Variants in DIP2B observed in about 807,000 individuals in gnomAD.
The protein encoded by DIP2B is DIP2 acetate--CoA ligase B (putative).
DIP2B carries 76 observed loss-of-function variants against 198.0 expected under a neutral mutation model. The ratio of observed to expected loss-of-function variants is 0.38; its 90% CI spans 0.32 to 0.46. The LOEUF (loss-of-function observed/expected upper bound fraction) is 0.46, where lower values mean the gene tolerates loss of function less well. DIP2B is among the 20% of genes least tolerant of loss of function. The probability of loss-of-function intolerance (pLI) is 0.99; values close to 1 mark genes in which losing one functional copy is unlikely to be tolerated. For missense variants in DIP2B, 1,559 were observed against 1,978.4 expected, an observed-to-expected ratio of 0.79 and a Z score of 4.02; for synonymous variants, 701 against 739.1, an observed-to-expected ratio of 0.95 and a Z score of 0.84.
intron 28 of DIP2B, among the ~76,000 whole-genome samples, chr12:50,727,500 T>G (rs771150585): frequency 6.6e-6 from 1 of 152,260 alleles, no homozygotes; most frequent in Non-Finnish European, 1.5e-5. Context: ...GATGTAGATT[T>G]GCTTGCCTGT....
At chr12:50,521,094 GTTTTTTTTTTTTTTT>G (rs386376482) in intron 1 of DIP2B, among the ~76,000 whole-genome samples, 1 of 94,332 alleles carries the variant, frequency 1.1e-5, no homozygotes, top group Non-Finnish European at 2.0e-5. Context: ...TTCAGCAACA[GTTTTTTTTTTTTTTT>G]TTTTTTTTTT....
intron 1 of DIP2B, among the ~76,000 whole-genome samples, chr12:50,523,944 T>C (rs1453198299): frequency 6.6e-6 from 1 of 152,200 alleles, no homozygotes; most frequent in East Asian, 1.9e-4. Flanking sequence ...AGCCTCTTCC[T>C]GCAATGTCTT....
chr12:50,698,517 A>G, intron 18 of DIP2B, 50 bp downstream of exon 18: 2 of 1,585,982 alleles, frequency 1.3e-6, no homozygotes, highest in African/African-American at 1.3e-5. Flanking sequence ...TTGTCATCAG[A>G]GATAATAGAG....
chr12:50,624,722 A>T (rs1029659099), intron 1 of DIP2B, among the ~76,000 whole-genome samples: 1 of 152,206 alleles, frequency 6.6e-6, no homozygotes, highest in Non-Finnish European at 1.5e-5. Flanking sequence ...AATTCAAGCT[A>T]CTACTTACTC....
intron 1 of DIP2B, among the ~76,000 whole-genome samples, chr12:50,571,361 G>A (rs1041601030): frequency 2.6e-5 from 4 of 151,794 alleles, no homozygotes; most frequent in African/African-American, 9.7e-5. Context: ...TAGTAGAGAT[G>A]GGGTTATGCC....
chr12:50,680,259 T>TAAA (rs11394582), intron 8 of DIP2B: 1,320 of 106,144 alleles, frequency 0.012, 38 homozygotes, highest in African/African-American at 0.036. Flanking sequence ...GACTCTGTCT[T>TAAA]AAAAAAAAAA....
At chr12:50,731,016 A>T (rs1940032731) in intron 30 of DIP2B, among the ~76,000 whole-genome samples, 1 of 152,244 alleles carries the variant, frequency 6.6e-6, no homozygotes, top group Non-Finnish European at 1.5e-5. Flanking sequence ...CAGTCCACAC[A>T]TAAGGTTTCT....
intron 1 of DIP2B, among the ~76,000 whole-genome samples, chr12:50,610,821 G>C (rs966361707): frequency 1.1e-5 from 1 of 90,684 alleles, no homozygotes; most frequent in Non-Finnish European, 2.4e-5. Context: ...TTTTTTTTTT[G>C]AGATGGAGGC....
rs200312180 is a variant in DIP2B at position 50,731,417 on chromosome 12, G to C, written c.3690G>C (p.Glu1230Asp). The C allele has an allele frequency of 2.5e-6, 4 of 1,614,036 alleles. No homozygotes were observed. The African/African-American group carries it at 5.3e-5, about 22-fold the overall frequency. Residue 1230 changes from glutamate (E) to aspartate (D), a missense_variant, in exon 31 of 38, where the codon GAG becomes GAC. Transcript: ENST00000301180. ...QSVLIPPMELENNLFLWLSTV... is the reference protein window; with the variant it reads ...QSVLIPPMELDNNLFLWLSTV... ...TCTTAATTCCTCCTATGGAGTTAGA[G>C]AACAACCTTTTCCTCTGGCTCTCCA...
chr12:50,733,730 T>C (rs1055323595), intron 32 of DIP2B, among the ~76,000 whole-genome samples: 8 of 152,198 alleles, frequency 5.3e-5, no homozygotes, highest in Non-Finnish European at 1.2e-4. Flanking sequence ...AAGGCAAATA[T>C]AGGCATGGAC....
chr12:50,589,406 A>T (rs1958800011), intron 1 of DIP2B, among the ~76,000 whole-genome samples: 1 of 151,730 alleles, frequency 6.6e-6, no homozygotes, highest in Non-Finnish European at 1.5e-5. Flanking sequence ...CATGTTGGCC[A>T]GGCTGGTCTC....
chr12:50,747,490 A>C lies in DIP2B; in HGVS notation c.*2651A>C, dbSNP rs1034365024. 6.6e-6 allele frequency: 1 copy of C among 152,242 alleles called. No individual in the cohort carries two copies. The highest frequency in any genetic ancestry group is 1.5e-5 in the Non-Finnish European group (1 of 68,052). 9.4% of individuals were successfully genotyped at this position (152,242 alleles called of 1,614,324 possible). On this transcript the variant is annotated 3_prime_UTR_variant, in exon 38 of 38. Transcript: ENST00000301180. ...GTAAAGCATCCTGTGGAGGGAGAGG[A>C]GAGCCCAGTCATTTGCTTAGATGGT...
At chr12:50,530,225 C>A (rs945974082) in intron 1 of DIP2B, among the ~76,000 whole-genome samples, 1 of 152,064 alleles carries the variant, frequency 6.6e-6, no homozygotes, top group East Asian at 1.9e-4. Context: ...TACAGGCACC[C>A]GCCATCACGC....
chr12:50,724,239 C>T (rs962588087), intron 27 of DIP2B, among the ~76,000 whole-genome samples: 4 of 152,124 alleles, frequency 2.6e-5, no homozygotes, highest in African/African-American at 9.7e-5. Context: ...TGATGCAGTT[C>T]GTGGGCAAAG....
intron 3 of DIP2B, among the ~76,000 whole-genome samples, chr12:50,658,293 T>C (rs994838372): frequency 6.6e-6 from 1 of 152,002 alleles, no homozygotes; most frequent in Non-Finnish European, 1.5e-5. Flanking sequence ...CGTGCTACCA[T>C]GCCTGGCTAA....
chr12:50,528,091 C>T (rs910203136), intron 1 of DIP2B, among the ~76,000 whole-genome samples: 1 of 151,936 alleles, frequency 6.6e-6, no homozygotes, highest in African/African-American at 2.4e-5. Flanking sequence ...CCATGCCCAG[C>T]TAGGTTTAAA....
At chr12:50,604,809 C>A (rs1012856518) in intron 1 of DIP2B, among the ~76,000 whole-genome samples, 2 of 152,008 alleles carry the variant, frequency 1.3e-5, no homozygotes, top group Admixed American at 1.3e-4. Context: ...TTATAACTTG[C>A]TTTATGATCT....
chr12:50,622,714 C>T (rs1373441245), intron 1 of DIP2B, among the ~76,000 whole-genome samples: 2 of 152,138 alleles, frequency 1.3e-5, no homozygotes, highest in East Asian at 1.9e-4. Flanking sequence ...TGTGTTCAAG[C>T]GATTCTCCTG....
At chr12:50,600,907 C>CACA (rs1172072687) in intron 1 of DIP2B, among the ~76,000 whole-genome samples, 1 of 146,708 alleles carries the variant, frequency 6.8e-6, no homozygotes, top group African/African-American at 2.5e-5. Context: ...CCACCACCAC[C>CACA]ACCACCACCA....
Sources: allele counts gnomAD v4.1 joint callset (sites outside exome capture counted in the v4.1 genomes callset), GRCh38; gene constraint gnomAD v4.1.1; transcripts MANE v1.5; gene names NCBI Gene and HGNC (gene_info 2026-07-23, HGNC 2026-07-21).